TMEM128: variants seen among roughly 807,000 people sequenced by gnomAD.
TMEM128 encodes the protein transmembrane protein 128.
A neutral mutation model predicts 19.7 loss-of-function variants in TMEM128; 16 were observed. That is an observed-to-expected ratio of 0.81 (90% CI 0.55 to 1.23). The LOEUF (loss-of-function observed/expected upper bound fraction) is 1.23, where lower values mean the gene tolerates loss of function less well. TMEM128 is among the 50% of genes most tolerant of loss of function. The pLI, the probability that TMEM128 is intolerant of heterozygous loss-of-function variation, is 0.00. For synonymous variants in TMEM128, 98 were observed against 75.8 expected (o/e 1.29, Z -1.52); for missense variants, 237 against 200.8 (o/e 1.18, Z -1.09).
At chr4:4,238,854 G>A (rs1380061121) in intron 3 of TMEM128, among the ~76,000 whole-genome samples, 1 of 152,114 alleles carries the variant, frequency 6.6e-6, no homozygotes, top group Non-Finnish European at 1.5e-5. Flanking sequence ...GCAGCACAGC[G>A]AAACCCCATC....
intron 1 of TMEM128, 103 bp from the exon 2 acceptor site, chr4:4,246,446 T>A: frequency 8.5e-7 from 1 of 1,178,778 alleles, no homozygotes; most frequent in South Asian, 1.6e-5. Flanking sequence ...AGAAACAGTC[T>A]CTCCCATGAT....
chr4:4,244,432 C>A (rs536529569), intron 2 of TMEM128, among the ~76,000 whole-genome samples: 78 of 152,260 alleles, frequency 5.1e-4, no homozygotes, highest in South Asian at 1.2e-3. Flanking sequence ...CATGATCGCA[C>A]CACTACACTC....
Position 4,246,246 on chromosome 4 carries a change from A to G in TMEM128, c.195T>C (p.Tyr65=), listed in dbSNP as rs201005792. 1.2e-6 allele frequency: 2 copies of G among 1,612,756 alleles called. No homozygotes were observed. Among genetic ancestry groups the G allele is most frequent in the Non-Finnish European group, 1.7e-6 (2 of 1,179,636 alleles). ...WILASIVVTY[Y]VDFFKTLKEN... ...CTTTAAGGGTTTTAAAGAAGTCAAC[A>G]TAATAGGTCACAACAATGGATGCCA... The change falls in exon 2 of 5, where the codon TAT becomes TAC. Residue 65 remains tyrosine (Y), a synonymous_variant. Transcript: ENST00000382753.
Position 4,241,648 on chromosome 4 carries a change from C to T in TMEM128, c.240-1169G>A, listed in dbSNP as rs927448328. 6.6e-5 allele frequency among the ~76,000 whole-genome samples: 10 copies of T among 152,220 alleles called. No homozygotes were observed. The South Asian group carries it at 1.0e-3, about 16-fold the overall frequency. On this transcript the variant is annotated intron_variant, in intron 2 of 4. Transcript: ENST00000382753. ...TTTACGATGATGCAATTCTGAGATT[C>T]GGAGTCATGAGAGGCTGTAGAGGGA...
intron 1 of TMEM128, 64 bp from the exon 2 acceptor site, chr4:4,246,407 A>G: frequency 6.7e-7 from 1 of 1,496,040 alleles, no homozygotes; most frequent in Non-Finnish European, 9.1e-7. Context: ...AATTACACTT[A>G]AGCCAAATAA....
chr4:4,245,765 C>T (rs1416717891), intron 2 of TMEM128, among the ~76,000 whole-genome samples: 1 of 151,912 alleles, frequency 6.6e-6, no homozygotes, highest in East Asian at 1.9e-4. Flanking sequence ...TATATATACA[C>T]ACACACATGA....
rs544147476 is a variant in TMEM128, at chr4:4,246,095, C to T, written c.239+107G>A. The T allele has an allele frequency of 1.3e-5, 15 of 1,170,804 alleles. No individual in the cohort carries two copies. In the East Asian group the frequency reaches 3.5e-4, roughly 27 times the overall value. The allele number at this position is 1,170,804 out of a possible 1,614,324, so 72.5% of individuals were successfully genotyped here. ...GTATCACCACACCTCCAACACAGGG[C>T]CTGGCAGAGAGTAGTAGGTGCTTAC... On this transcript the variant is annotated intron_variant, in intron 2 of 4. Coordinates refer to ENST00000382753, the MANE Select transcript of TMEM128 (RefSeq NM_001297551.2).
At chr4:4,246,902 C>CA (rs1718202243) in intron 1 of TMEM128, among the ~76,000 whole-genome samples, 1 of 152,068 alleles carries the variant, frequency 6.6e-6, no homozygotes. Flanking sequence ...CGCCTGCCAC[C>CA]ACGCCGGGCT....
intron 1 of TMEM128, 22 bp from the exon 2 acceptor site, chr4:4,246,365 A>G (rs779686783): frequency 1.3e-6 from 2 of 1,579,540 alleles, no homozygotes; most frequent in Non-Finnish European, 1.7e-6. Flanking sequence ...GGAGATTTCA[A>G]CTTATTAAGT....
chr4:4,237,664 T>G (rs1482224280), intron 4 of TMEM128, among the ~76,000 whole-genome samples, 163 bp downstream of exon 4: 5 of 152,192 alleles, frequency 3.3e-5, no homozygotes, highest in Non-Finnish European at 5.9e-5. Flanking sequence ...GGAGTCTATC[T>G]CAGAGTTCAA....
intron 2 of TMEM128, among the ~76,000 whole-genome samples, chr4:4,241,988 C>T (rs563490532): frequency 9.9e-5 from 15 of 152,256 alleles, no homozygotes; most frequent in African/African-American, 2.6e-4. Flanking sequence ...CTGCAACCTC[C>T]GCCTCCCAGG....
chr4:4,238,685 C>T (rs1283013715), intron 3 of TMEM128, among the ~76,000 whole-genome samples: 25 of 152,076 alleles, frequency 1.6e-4, no homozygotes. Flanking sequence ...ACTTCAACTA[C>T]AGAAAATAAG....
Position 4,246,346 on chromosome 4 carries a change from G to A in TMEM128, c.98-3C>T. ...TTTCTCAACAGCTGTGGAGGTTTCT[G>A]CAAATAAGGGAGATTTCAACTTATT... On this transcript the variant is annotated splice_region_variant and splice_polypyrimidine_tract_variant and intron_variant, in intron 1 of 4. Coordinates refer to ENST00000382753, the MANE Select transcript of TMEM128 (RefSeq NM_001297551.2). The A allele has an allele frequency of 1.9e-6, 3 of 1,591,650 alleles. No individual in the cohort carries two copies. Among genetic ancestry groups the A allele is most frequent in the Non-Finnish European group, 2.6e-6 (3 of 1,173,548 alleles).
rs367926465 is a variant in TMEM128, at chr4:4,240,708, T to G, written c.240-229A>C. On this transcript the variant is annotated intron_variant, in intron 2 of 4. Transcript: ENST00000382753. ...AATGAAAAGTAAGACTTGAAATACA[T>G]GCATTTATATATACACTCTCATCAG... 2.0e-5 allele frequency among the ~76,000 whole-genome samples: 3 copies of G among 152,220 alleles called. No homozygotes were observed. The South Asian group carries it at 6.2e-4, about 32-fold the overall frequency.
chr4:4,239,260 T>G (rs1288416306), intron 3 of TMEM128, among the ~76,000 whole-genome samples: 1 of 152,190 alleles, frequency 6.6e-6, no homozygotes, highest in East Asian at 1.9e-4. Flanking sequence ...TGAAGAAGGT[T>G]ATTCATTGTG....
chr4:4,246,428 T>C lies in TMEM128; in HGVS notation c.98-85A>G, dbSNP rs565696329. The C allele has an allele frequency of 8.0e-5, 109 of 1,370,080 alleles. No homozygotes were observed. In the African/African-American group the frequency reaches 1.4e-3, roughly 18 times the overall value. The allele number at this position is 1,370,080 out of a possible 1,614,324, so 84.9% of individuals were successfully genotyped here. On this transcript the variant is annotated intron_variant, in intron 1 of 4. Coordinates refer to ENST00000382753, the MANE Select transcript of TMEM128 (RefSeq NM_001297551.2). Reference sequence around the variant, plus strand: ...ACTTAAGCCAAATAAAATCATTTCCTAGAGCTAAGAAACAGTCTCTCCCAT... The same window carrying C: ...ACTTAAGCCAAATAAAATCATTTCCCAGAGCTAAGAAACAGTCTCTCCCAT...
At chr4:4,236,482 A>G (rs967420710) in intron 4 of TMEM128, among the ~76,000 whole-genome samples, 1 of 152,184 alleles carries the variant, frequency 6.6e-6, no homozygotes, top group African/African-American at 2.4e-5. Context: ...AGAGTCAAAG[A>G]AGGGGCTGAG....
At chr4:4,246,426 C>T (rs1397721568) in intron 1 of TMEM128, 83 bp from the exon 2 acceptor site, 17 of 1,383,886 alleles carry the variant, frequency 1.2e-5, no homozygotes, top group Non-Finnish European at 1.6e-5. Context: ...AAAATCATTT[C>T]CTAGAGCTAA....
chr4:4,247,977 C>G (rs983009852), intron 1 of TMEM128, 129 bp downstream of exon 1: 1 of 1,449,582 alleles, frequency 6.9e-7, no homozygotes, highest in Non-Finnish European at 9.0e-7. Flanking sequence ...AGGATCTTCC[C>G]TGACATTAAA....
Sources: gnomAD v4.1 joint callset for allele counts (sites outside exome capture counted in the v4.1 genomes callset) on GRCh38, gnomAD v4.1.1 for gene constraint, MANE v1.5 for transcripts, NCBI Gene and HGNC (gene_info 2026-07-23, HGNC 2026-07-21) for gene names.